Variants in AGAP1 observed in about 807,000 individuals in gnomAD.
The protein encoded by AGAP1 is ArfGAP with GTPase domain, ankyrin repeat and PH domain 1.
Under a neutral mutation model 105.3 loss-of-function variants are expected in AGAP1, and 29 were observed. That is an observed-to-expected ratio of 0.28 (90% confidence interval 0.21 to 0.38). AGAP1 has a LOEUF of 0.38. Among genes scored for constraint, AGAP1 ranks in the 10% least tolerant of loss-of-function variants. The pLI, the probability that AGAP1 is intolerant of heterozygous loss-of-function variation, is 1.00. For synonymous variants in AGAP1, 509 were observed against 485.9 expected, an observed-to-expected ratio of 1.05 and a Z score of -0.63; for missense variants, 998 against 1,165.1, an observed-to-expected ratio of 0.86 and a Z score of 2.09.
intron 16 of AGAP1, among the ~76,000 whole-genome samples, chr2:236,099,696 C>G (rs2059298022): frequency 6.6e-6 from 1 of 152,042 alleles, no homozygotes; most frequent in Non-Finnish European, 1.5e-5. Flanking sequence ...TTGAAAGCAG[C>G]TGGGCTCTCC....
chr2:235,531,434 C>T (rs1943041131), intron 1 of AGAP1, among the ~76,000 whole-genome samples: 1 of 152,148 alleles, frequency 6.6e-6, no homozygotes, highest in African/African-American at 2.4e-5. Flanking sequence ...TGCCTGTCCT[C>T]ATCTCTGCAT....
At chr2:235,776,638 G>A (rs1238614120) in intron 6 of AGAP1, among the ~76,000 whole-genome samples, 1 of 152,184 alleles carries the variant, frequency 6.6e-6, no homozygotes, top group East Asian at 1.9e-4. Flanking sequence ...ACCTGTCCCA[G>A]TGGGCGTCAC....
chr2:235,707,398 G>T (rs1009527138), intron 1 of AGAP1, among the ~76,000 whole-genome samples: 1 of 150,424 alleles, frequency 6.6e-6, no homozygotes, highest in African/African-American at 2.4e-5. Context: ...GTCTCACTCG[G>T]CATCGGGAGA....
In AGAP1 at chr2:235,965,698, CCT is replaced by C; in HGVS notation, c.1484-2763_1484-2762del. ...GCTGAAGGTAGAGCCTGGAATAGCC[CCT>C]GTTGGGTAGTAACTTTGGATGAGTG... On this transcript the variant is annotated intron_variant, in intron 12 of 17. Coordinates refer to ENST00000304032, the MANE Select transcript of AGAP1 (RefSeq NM_001037131.3). The surrounding 1 kb of genome is among the most constrained non-coding windows in gnomAD (Gnocchi z 5.8). Among the ~76,000 whole-genome samples, 1 of 152,078 alleles carries C rather than the reference CCT, an allele frequency of 6.6e-6. No individual in the cohort carries two copies. The highest frequency in any genetic ancestry group is 1.5e-5 in the Non-Finnish European group (1 of 68,022).
intron 9 of AGAP1, chr2:235,852,756 A>G (rs1237393111): frequency 1.2e-5 from 18 of 1,537,924 alleles, no homozygotes; most frequent in Non-Finnish European, 1.6e-5. Context: ...CGTGCCCGTC[A>G]GTCCTCCCCC....
Position 236,129,410 on chromosome 2 carries a change from G to A in AGAP1, c.*5288G>A, listed in dbSNP as rs138415794. 4.7e-4 allele frequency: 71 copies of A among 152,296 alleles called. No homozygotes were observed. Among genetic ancestry groups the A allele is most frequent in the African/African-American group, 1.7e-3 (71 of 41,556 alleles). The allele number at this position is 152,296 out of a possible 1,614,324, so 9.4% of individuals were successfully genotyped here. On this transcript the variant is annotated 3_prime_UTR_variant, in exon 18 of 18. Transcript: ENST00000304032. The surrounding 1 kb of genome is among the most constrained non-coding windows in gnomAD (Gnocchi z 6.2). The stretch of plus-strand genomic sequence containing the variant: ...TTATGCAGGAGAGAGAAGGGGCGCA[G>A]GTGTATCTCCTTAGAGTACACCTTG...
chr2:235,748,108 A>G (rs2149698169), intron 5 of AGAP1, among the ~76,000 whole-genome samples: 1 of 152,372 alleles, frequency 6.6e-6, no homozygotes, highest in East Asian at 1.9e-4. Flanking sequence ...AGGGAGAAGC[A>G]CGATCTGTAA....
intron 16 of AGAP1, among the ~76,000 whole-genome samples, chr2:236,099,461 A>C (rs1355007186): frequency 5.3e-5 from 8 of 151,698 alleles, no homozygotes; most frequent in African/African-American, 1.5e-4. Flanking sequence ...CCTCAAAAAA[A>C]AAAAGAAAAG....
chr2:235,976,305 C>G lies in AGAP1; in HGVS notation c.1645+7682C>G, dbSNP rs1019490276. Among the ~76,000 whole-genome samples the G allele has an allele frequency of 6.6e-6, 1 of 152,116 alleles. No individual in the cohort carries two copies. The highest frequency in any genetic ancestry group is 1.5e-5 in the Non-Finnish European group (1 of 68,042). ...ATTGAGTAGATCATCTGGGTTTACTCTAGACATTGACATTGTAGATTGGGC... is the reference window on the plus strand; with the variant it reads ...ATTGAGTAGATCATCTGGGTTTACTGTAGACATTGACATTGTAGATTGGGC... On this transcript the variant is annotated intron_variant, in intron 13 of 17. Coordinates refer to ENST00000304032, the MANE Select transcript of AGAP1 (RefSeq NM_001037131.3). This position sits in a 1 kb window ranked among gnomAD's most constrained non-coding sequence, Gnocchi z 4.5.
rs1432765583 is a variant in AGAP1 at position 235,875,353 on chromosome 2, C to A, written c.1051-7992C>A. 6.6e-6 allele frequency among the ~76,000 whole-genome samples: 1 copy of A among 152,176 alleles called. No individual in the cohort carries two copies. The highest frequency in any genetic ancestry group is 1.5e-5 in the Non-Finnish European group (1 of 68,032). Reference sequence around the variant, plus strand: ...TTCCTGAGATCTTAGGATAAAAGCCCACCGAGGTGCGAGTCTCACCATCGT... The same window carrying A: ...TTCCTGAGATCTTAGGATAAAAGCCAACCGAGGTGCGAGTCTCACCATCGT... On this transcript the variant is annotated intron_variant, in intron 9 of 17. Transcript: ENST00000304032. The surrounding 1 kb of genome is among the most constrained non-coding windows in gnomAD (Gnocchi z 4.0).
chr2:236,091,088 A>ACATCAATCCG (rs2059048183), intron 16 of AGAP1, among the ~76,000 whole-genome samples: 1 of 152,196 alleles, frequency 6.6e-6, no homozygotes, highest in Non-Finnish European at 1.5e-5. Context: ...CGCTGCCTGC[A>ACATCAATCCG]TGCCCTGTCC....
chr2:235,831,707 C>G (rs774190911), intron 9 of AGAP1, among the ~76,000 whole-genome samples: 7 of 152,184 alleles, frequency 4.6e-5, no homozygotes, highest in African/African-American at 7.2e-5. Flanking sequence ...TATCCATTCA[C>G]CTATTGAAAG....
intron 8 of AGAP1, among the ~76,000 whole-genome samples, chr2:235,800,988 C>G (rs534063476): frequency 1.4e-4 from 21 of 152,144 alleles, no homozygotes; most frequent in Admixed American, 1.2e-3. Flanking sequence ...TGTTACATTG[C>G]GATTCCTGCC....
intron 1 of AGAP1, among the ~76,000 whole-genome samples, chr2:235,530,688 A>G (rs1943013943): frequency 6.6e-6 from 1 of 151,648 alleles, no homozygotes; most frequent in Non-Finnish European, 1.5e-5. Flanking sequence ...TTCTTTTTTC[A>G]TTTGATAAGG....
intron 1 of AGAP1, among the ~76,000 whole-genome samples, chr2:235,597,741 C>T (rs1006670118): frequency 2.0e-5 from 3 of 150,520 alleles, no homozygotes; most frequent in Middle Eastern, 3.5e-3. Flanking sequence ...GGAGCGTGCA[C>T]GCGCTCCCGT....
intron 1 of AGAP1, among the ~76,000 whole-genome samples, chr2:235,616,114 G>T (rs2149262854): frequency 6.6e-6 from 1 of 152,248 alleles, no homozygotes; most frequent in South Asian, 2.1e-4. Context: ...TGTAATCCTA[G>T]CACTTTGGGA....
In AGAP1 at chr2:236,101,504, C is replaced by A. The variant is rs562206835; in HGVS notation, c.2115-18688C>A. ...CGGCCTGAACTGGGCCCTCTGCAGT[C>A]ACTCCGGCCTGTCCCCGCCTCTTCC... On this transcript the variant is annotated intron_variant, in intron 16 of 17. Transcript: ENST00000304032. This position sits in a 1 kb window ranked among gnomAD's most constrained non-coding sequence, Gnocchi z 4.9. Among the ~76,000 whole-genome samples the A allele has an allele frequency of 6.6e-6, 1 of 152,294 alleles. No individual in the cohort carries two copies. The highest frequency in any genetic ancestry group is 2.4e-5 in the African/African-American group (1 of 41,566).
chr2:235,800,546 G>T (rs545531958), intron 8 of AGAP1, among the ~76,000 whole-genome samples: 1 of 152,192 alleles, frequency 6.6e-6, no homozygotes, highest in African/African-American at 2.4e-5. Context: ...CAGTTGAGCC[G>T]CAAACTCCAG....
rs1381048178 is a variant in AGAP1, at chr2:235,865,845, C to T, written c.1051-17500C>T. 6.6e-6 allele frequency among the ~76,000 whole-genome samples: 1 copy of T among 152,178 alleles called. No homozygotes were observed. Among genetic ancestry groups the T allele is most frequent in the African/African-American group, 2.4e-5 (1 of 41,438 alleles). On this transcript the variant is annotated intron_variant, in intron 9 of 17. Transcript: ENST00000304032. This position sits in a 1 kb window ranked among gnomAD's most constrained non-coding sequence, Gnocchi z 6.2. ...TTTACCAAAATTTACCTCCCAGCAT[C>T]GTGGATGTGAATTTGCCAGAAGTTT...
Sources: allele counts gnomAD v4.1 joint callset (sites outside exome capture counted in the v4.1 genomes callset), GRCh38; gene constraint gnomAD v4.1.1; non-coding constraint Gnocchi (gnomAD v3.1); transcripts MANE v1.5; gene names NCBI Gene and HGNC (gene_info 2026-07-23, HGNC 2026-07-21).